The following MTMR12 variants were observed in gnomAD, a reference collection of about 807,000 sequenced individuals.
MTMR12 encodes the protein myotubularin related protein 12.
A neutral mutation model predicts 96.7 loss-of-function variants in MTMR12; 33 were observed. That is an observed-to-expected ratio of 0.34 (90% confidence interval 0.26 to 0.46). The LOEUF is 0.46. MTMR12 is among the 20% of genes least tolerant of loss of function. The pLI is 1.00. For synonymous variants in MTMR12, 298 were observed against 327.2 expected (o/e 0.91, Z 0.96); for missense variants, 721 against 896.1 (o/e 0.80, Z 2.49).
At chr5:32,256,774 A>T (rs1420930783) in intron 7 of MTMR12, among the ~76,000 whole-genome samples, 1 of 152,224 alleles carries the variant, frequency 6.6e-6, no homozygotes. Context: ...ATCAGTTCAT[A>T]GGAGATGGGG....
chr5:32,252,803 T>C (rs1157167909), intron 8 of MTMR12, among the ~76,000 whole-genome samples: 1 of 152,258 alleles, frequency 6.6e-6, no homozygotes, highest in Non-Finnish European at 1.5e-5. Context: ...CTTAAATATC[T>C]GGTTTAAGAG....
rs1750305490 is a variant in MTMR12 at position 32,281,836 on chromosome 5, G to A, written c.82-5094C>T. Among the ~76,000 whole-genome samples the A allele has an allele frequency of 2.0e-5, 3 of 151,380 alleles. No individual in the cohort carries two copies. In the South Asian group the frequency reaches 6.3e-4, roughly 32 times the overall value. On this transcript the variant is annotated intron_variant, in intron 1 of 15. Coordinates refer to ENST00000382142, the MANE Select transcript of MTMR12 (RefSeq NM_001040446.3). ...AGTCACTTGAACCTGGGAGGTGGAGGCTGCAGTGAGCTGAGATCATACCAT... is the reference window on the plus strand; with the variant it reads ...AGTCACTTGAACCTGGGAGGTGGAGACTGCAGTGAGCTGAGATCATACCAT...
chr5:32,301,952 C>CAAAAACAAAAACA (rs1288654273), intron 1 of MTMR12, among the ~76,000 whole-genome samples: 1 of 151,762 alleles, frequency 6.6e-6, no homozygotes, highest in Non-Finnish European at 1.5e-5. Context: ...AGCAAAAAAA[C>CAAAAACAAAAACA]AAAAACAAAA....
At chr5:32,282,627 C>G (rs927649891) in intron 1 of MTMR12, among the ~76,000 whole-genome samples, 1 of 151,990 alleles carries the variant, frequency 6.6e-6, no homozygotes, top group African/African-American at 2.4e-5. Flanking sequence ...AAACAAAAAT[C>G]CAAACCAGTC....
At position 32,229,892 on chromosome 5, in the gene MTMR12, C is replaced by T. The variant is rs970099398; in HGVS notation, c.2130G>A (p.Leu710=). ...CGGGCTTAGAGGAATGTCGCTGGAG[C>T]AGAGCGAAAGGAAACAAAGACGAGA... ...ARLSSLFPFA[L]LQRHSSKPVL... The change falls in exon 16 of 16, where the codon CTG becomes CTA. Residue 710 remains leucine, a synonymous_variant. Coordinates refer to ENST00000382142, the MANE Select transcript of MTMR12 (RefSeq NM_001040446.3). 4.3e-6 allele frequency: 7 copies of T among 1,612,930 alleles called. No individual in the cohort carries two copies. The African/African-American group carries it at 9.3e-5, about 22-fold the overall frequency.
At chr5:32,238,002 G>A (rs1748304589) in intron 13 of MTMR12, among the ~76,000 whole-genome samples, 1 of 151,724 alleles carries the variant, frequency 6.6e-6, no homozygotes, top group African/African-American at 2.4e-5. Context: ...AAATTCGCCA[G>A]GCATGGTAGC....
At chr5:32,260,384 G>A (rs572841189) in intron 7 of MTMR12, among the ~76,000 whole-genome samples, 2 of 151,810 alleles carry the variant, frequency 1.3e-5, no homozygotes, top group African/African-American at 2.4e-5. Context: ...ACGGAGCAGC[G>A]ACTACAGTGG....
chr5:32,242,145 A>G lies in MTMR12; in HGVS notation c.1101-18T>C, dbSNP rs754179576. ...GGCAACGTCTGAATAGGAAAGAGAC[A>G]AGAAAAAGGGGCATTAGTTCATGAG... On this transcript the variant is annotated intron_variant, in intron 11 of 15. Transcript: ENST00000382142. The G allele has an allele frequency of 1.9e-6, 3 of 1,591,412 alleles. No homozygotes were observed. Among genetic ancestry groups the G allele is most frequent in the Non-Finnish European group, 2.6e-6 (3 of 1,160,602 alleles).
intron 1 of MTMR12, among the ~76,000 whole-genome samples, chr5:32,290,128 G>A (rs1303632716): frequency 6.6e-6 from 1 of 152,194 alleles, no homozygotes; most frequent in African/African-American, 2.4e-5. Context: ...TTGGCAAATG[G>A]CTTTTTCTCC....
rs1235081158 is a variant in MTMR12, at chr5:32,240,743, G to A, written c.1171+1314C>T. 3.9e-5 allele frequency among the ~76,000 whole-genome samples: 6 copies of A among 152,158 alleles called. No individual in the cohort carries two copies. In the South Asian group the frequency reaches 1.0e-3, roughly 26 times the overall value. The stretch of plus-strand genomic sequence containing the variant: ...AGCCTCCCGAGTAGCCAGGACTACA[G>A]GCACACAGGACCAAGCCCGACTAAT... On this transcript the variant is annotated intron_variant, in intron 12 of 15. Transcript: ENST00000382142.
chr5:32,297,081 T>G (rs1365771249), intron 1 of MTMR12, among the ~76,000 whole-genome samples: 1 of 148,710 alleles, frequency 6.7e-6, no homozygotes, highest in African/African-American at 2.5e-5. Flanking sequence ...CCAGCCTGGG[T>G]GACAGAGCGA....
In MTMR12 at chr5:32,228,621, TATATATATCAC is replaced by T. The variant is rs1478710153; in HGVS notation, c.*1146_*1156del. 6.9e-6 allele frequency: 1 copy of T among 144,232 alleles called. No individual in the cohort carries two copies. Among genetic ancestry groups the T allele is most frequent in the African/African-American group, 2.5e-5 (1 of 39,578 alleles). The allele number at this position is 144,232 out of a possible 1,614,324, so 8.9% of individuals were successfully genotyped here. On this transcript the variant is annotated 3_prime_UTR_variant, in exon 16 of 16. Coordinates refer to ENST00000382142, the MANE Select transcript of MTMR12 (RefSeq NM_001040446.3). ...ATATATATATATCATATATATGATA[TATATATATCAC>T]ATATATATCATATATATATCATTTA...
At chr5:32,262,243 TA>T (rs1461166909) in intron 7 of MTMR12, among the ~76,000 whole-genome samples, 1 of 152,124 alleles carries the variant, frequency 6.6e-6, no homozygotes, top group Non-Finnish European at 1.5e-5. Flanking sequence ...CACTTCTAGG[TA>T]ATATACCCAA....
chr5:32,276,574 T>TA lies in MTMR12; in HGVS notation c.142+107_142+108insT, dbSNP rs1750058240. 3 of 897,268 alleles carry TA rather than the reference T, an allele frequency of 3.3e-6. No individual in the cohort carries two copies. In the African/African-American group the frequency reaches 5.0e-5, roughly 15 times the overall value. The allele number at this position is 897,268 out of a possible 1,614,324, so 55.6% of individuals were successfully genotyped here. A position where few individuals can be genotyped will look rare whatever the true frequency, so the allele number is the denominator to read the frequency against. On this transcript the variant is annotated intron_variant, in intron 2 of 15. Coordinates refer to ENST00000382142, the MANE Select transcript of MTMR12 (RefSeq NM_001040446.3). ...GTTTTTTCAATTCATTACTGTTATA[T>TA]GTGAGAAGATGAAAACAAAGGAGTT... is the stretch of plus-strand genomic sequence containing the variant.
chr5:32,266,299 C>A (rs772562568), intron 6 of MTMR12, among the ~76,000 whole-genome samples: 4 of 152,170 alleles, frequency 2.6e-5, no homozygotes, highest in Non-Finnish European at 4.4e-5. Context: ...CGGCTTACAG[C>A]AAGCAGTCAA....
intron 1 of MTMR12, among the ~76,000 whole-genome samples, chr5:32,293,570 A>G (rs1750821116): frequency 1.3e-5 from 2 of 152,188 alleles, no homozygotes; most frequent in African/African-American, 4.8e-5. Flanking sequence ...TAGGAGATAT[A>G]TATCCTATTA....
At chr5:32,247,600 A>G (rs1748742132) in intron 10 of MTMR12, 5 of 382,866 alleles carry the variant, frequency 1.3e-5, no homozygotes, top group Non-Finnish European at 1.4e-5. Flanking sequence ...GGAAAAAATT[A>G]AAGTATTTCC....
intron 1 of MTMR12, among the ~76,000 whole-genome samples, chr5:32,291,970 A>G (rs1750753022): frequency 6.6e-6 from 1 of 152,142 alleles, no homozygotes; most frequent in African/African-American, 2.4e-5. Context: ...ACTACCATCC[A>G]TGGACTCACG....
chr5:32,229,841 A>G lies in MTMR12; in HGVS notation c.2181T>C (p.Ala727=). 6.3e-7 allele frequency: 1 copy of G among 1,595,478 alleles called. No homozygotes were observed. Among genetic ancestry groups the G allele is most frequent in the Non-Finnish European group, 8.5e-7 (1 of 1,171,500 alleles). The part of the protein sequence containing the change: ...KPVLPTSGWK[A]LGDEDDLAKR... ...TGGCCAAATCGTCTTCATCTCCCAA[A>G]GCTTTCCAGCCACTGGTGGGTAAGA... The change falls in exon 16 of 16, where the codon GCT becomes GCC. Residue 727 remains alanine, a synonymous_variant. Transcript: ENST00000382142.
Sources: gnomAD v4.1 joint callset for allele counts (sites outside exome capture counted in the v4.1 genomes callset) on GRCh38, gnomAD v4.1.1 for gene constraint, MANE v1.5 for transcripts, NCBI Gene and HGNC (gene_info 2026-07-23, HGNC 2026-07-21) for gene names.